The following PLCE1 variants were observed in gnomAD, a reference collection of about 807,000 sequenced individuals.
The protein encoded by PLCE1 is 1-phosphatidylinositol 4,5-bisphosphate phosphodiesterase epsilon-1.
Under a neutral mutation model 242.8 loss-of-function variants are expected in PLCE1, and 119 were observed. The observed-to-expected ratio is 0.49, with a 90% CI of 0.42 to 0.57. The LOEUF is 0.57. Among genes scored for constraint, PLCE1 ranks in the 20% least tolerant of loss-of-function variants. The pLI is 0.00. For synonymous variants in PLCE1, 945 were observed against 1,017.4 expected, an observed-to-expected ratio of 0.93 and a Z score of 1.35; for missense variants, 2,441 against 2,788.8, an observed-to-expected ratio of 0.88 and a Z score of 2.81.
Position 94,328,431 on chromosome 10 carries a change from T to C in PLCE1, c.*488T>C, listed in dbSNP as rs1233083633. 2 of 152,078 alleles carry C rather than the reference T, an allele frequency of 1.3e-5. No homozygotes were observed. Among genetic ancestry groups the C allele is most frequent in the Non-Finnish European group, 2.9e-5 (2 of 68,372 alleles). 9.4% of individuals were successfully genotyped at this position (152,078 alleles called of 1,614,324 possible). A position where few individuals can be genotyped will look rare whatever the true frequency, so the allele number is the denominator to read the frequency against. ...TATTTTTCACATGTCACAAATACTCTTGTTTTGACTTTTTTTCAACCATTT... is the reference window on the plus strand; with the variant it reads ...TATTTTTCACATGTCACAAATACTCCTGTTTTGACTTTTTTTCAACCATTT... On this transcript the variant is annotated 3_prime_UTR_variant, in exon 33 of 33. Coordinates refer to ENST00000371380, the MANE Select transcript of PLCE1 (RefSeq NM_016341.4).
At chr10:94,256,323 CAAAAAAAA>C (rs1316929334) in intron 11 of PLCE1, among the ~76,000 whole-genome samples, 1 of 56,282 alleles carries the variant, frequency 1.8e-5, no homozygotes, top group Admixed American at 2.0e-4. Context: ...GAGCTTGTCT[CAAAAAAAA>C]AAAAAAAAAA....
intron 4 of PLCE1, among the ~76,000 whole-genome samples, chr10:94,192,756 A>G (rs1590218120): frequency 6.6e-6 from 1 of 152,300 alleles, no homozygotes; most frequent in East Asian, 1.9e-4. Context: ...AAGTCTCTAA[A>G]CTACTTTTCA....
At chr10:94,037,346 TA>T (rs1230493739) in intron 2 of PLCE1, among the ~76,000 whole-genome samples, 1 of 152,260 alleles carries the variant, frequency 6.6e-6, no homozygotes, top group Non-Finnish European at 1.5e-5. Flanking sequence ...TTGTAATTTT[TA>T]TGGATGATAA....
intron 20 of PLCE1, among the ~76,000 whole-genome samples, chr10:94,282,515 T>C (rs1189094276): frequency 6.6e-6 from 1 of 152,176 alleles, no homozygotes; most frequent in Admixed American, 6.6e-5. Context: ...TGAAGTCATA[T>C]TGGGAGTATT....
At chr10:94,124,013 G>C (rs1277063875) in intron 2 of PLCE1, among the ~76,000 whole-genome samples, 6 of 152,170 alleles carry the variant, frequency 3.9e-5, no homozygotes, top group Non-Finnish European at 8.8e-5. Context: ...AGAGGGAACA[G>C]GAGAAGCTAA....
intron 4 of PLCE1, among the ~76,000 whole-genome samples, chr10:94,176,539 C>T (rs1378239233): frequency 1.3e-5 from 2 of 152,014 alleles, no homozygotes; most frequent in Non-Finnish European, 2.9e-5. Flanking sequence ...TTGATTCTGC[C>T]AAAATTGGAT....
chr10:94,319,259 T>C (rs2053690985), intron 29 of PLCE1, among the ~76,000 whole-genome samples: 1 of 152,236 alleles, frequency 6.6e-6, no homozygotes, highest in African/African-American at 2.4e-5. Context: ...TCTCAAAAGA[T>C]AACTAAATTT....
intron 2 of PLCE1, among the ~76,000 whole-genome samples, chr10:94,095,984 G>A (rs2045293002): frequency 6.6e-6 from 1 of 152,160 alleles, no homozygotes; most frequent in Non-Finnish European, 1.5e-5. Flanking sequence ...GTTGAGGGAG[G>A]CTGTCATCTT....
At chr10:94,037,842 G>T (rs1270700137) in intron 2 of PLCE1, among the ~76,000 whole-genome samples, 3 of 152,190 alleles carry the variant, frequency 2.0e-5, no homozygotes, top group Non-Finnish European at 4.4e-5. Context: ...GAAAAACCTT[G>T]ACTCTGGATT....
intron 4 of PLCE1, among the ~76,000 whole-genome samples, chr10:94,195,420 TC>T (rs2048789447): frequency 6.6e-6 from 1 of 151,970 alleles, no homozygotes; most frequent in South Asian, 2.1e-4. Context: ...AAGAAAGAAG[TC>T]CCTGTGTAAA....
rs57860859 is a variant in PLCE1, at chr10:94,063,426, G to A, written c.1206+31174G>A. Among the ~76,000 whole-genome samples the A allele has an allele frequency of 6.5e-3, 994 of 152,194 alleles. 15 individuals are homozygous for A. The highest frequency in any genetic ancestry group is 0.022 in the African/African-American group (933 of 41,512). The stretch of plus-strand genomic sequence containing the variant: ...CATCTCGTTTCCACCATCCTAGATG[G>A]AATATTGACAACAGAGCCTGGCACA... On this transcript the variant is annotated intron_variant, in intron 2 of 32. Transcript: ENST00000371380.
chr10:94,048,856 C>T (rs1278213528), intron 2 of PLCE1, among the ~76,000 whole-genome samples: 1 of 151,488 alleles, frequency 6.6e-6, no homozygotes, highest in Non-Finnish European at 1.5e-5. Context: ...CAGTATCAAA[C>T]TTCTGTGTTC....
chr10:94,296,477 TTA>T, intron 23 of PLCE1, among the ~76,000 whole-genome samples: 1 of 152,308 alleles, frequency 6.6e-6, no homozygotes, highest in South Asian at 2.1e-4. Flanking sequence ...CTTGCTGATA[TTA>T]TGTTATGGAG....
At chr10:94,219,149 G>T (rs537167276) in intron 4 of PLCE1, among the ~76,000 whole-genome samples, 101 of 151,720 alleles carry the variant, frequency 6.7e-4, no homozygotes, top group Non-Finnish European at 1.4e-3. Flanking sequence ...GTTTACTAGC[G>T]CCCAGCACAG....
intron 2 of PLCE1, among the ~76,000 whole-genome samples, chr10:94,043,592 C>A (rs1240234271): frequency 6.6e-6 from 1 of 152,104 alleles, no homozygotes; most frequent in Non-Finnish European, 1.5e-5. Context: ...TCATTTTTTC[C>A]AGATTTTTGT....
intron 2 of PLCE1, among the ~76,000 whole-genome samples, chr10:94,123,333 G>C (rs1046510916): frequency 6.6e-6 from 1 of 152,174 alleles, no homozygotes; most frequent in African/African-American, 2.4e-5. Context: ...AAGTGATAAA[G>C]GTTCAGCTTA....
intron 22 of PLCE1, among the ~76,000 whole-genome samples, chr10:94,289,157 T>G (rs1247388043): frequency 6.6e-6 from 1 of 152,118 alleles, no homozygotes; most frequent in African/African-American, 2.4e-5. Flanking sequence ...CACTGAAACT[T>G]AATTACCCTC....
chr10:94,227,289 C>T lies in PLCE1; in HGVS notation c.1810-17C>T, dbSNP rs1451919186. 1 of 1,613,210 alleles carries T rather than the reference C, an allele frequency of 6.2e-7. No homozygotes were observed. The stretch of plus-strand genomic sequence containing the variant: ...TCTAGGACATAATTCCCGTGAATGT[C>T]TCTGTGTGTTTTCCAGGTGAGCTCC... On this transcript the variant is annotated splice_polypyrimidine_tract_variant and intron_variant, in intron 4 of 32. Coordinates refer to ENST00000371380, the MANE Select transcript of PLCE1 (RefSeq NM_016341.4).
At chr10:94,062,829 G>A (rs371255180) in intron 2 of PLCE1, among the ~76,000 whole-genome samples, 4 of 151,952 alleles carry the variant, frequency 2.6e-5, no homozygotes, top group Non-Finnish European at 4.4e-5. Context: ...ATCAGGTTCC[G>A]GGAAAGTACA....
Sources: allele counts gnomAD v4.1 joint callset (sites outside exome capture counted in the v4.1 genomes callset), GRCh38; gene constraint gnomAD v4.1.1; transcripts MANE v1.5; gene names NCBI Gene and HGNC (gene_info 2026-07-23, HGNC 2026-07-21).